Variants in PRKCE observed in about 807,000 individuals in gnomAD.
The protein encoded by PRKCE is protein kinase C epsilon.
A neutral mutation model predicts 85.4 loss-of-function variants in PRKCE; 16 were observed. That is an observed-to-expected ratio of 0.19 (90% confidence interval 0.13 to 0.28). The LOEUF (loss-of-function observed/expected upper bound fraction) is 0.28. Among genes scored for constraint, PRKCE ranks in the 10% least tolerant of loss-of-function variants. The pLI is 1.00. For synonymous variants in PRKCE, 388 were observed against 371.5 expected (o/e 1.04, Z -0.51); for missense variants, 573 against 975.2 (o/e 0.59, Z 5.49).
intron 14 of PRKCE, among the ~76,000 whole-genome samples, chr2:46,181,016 C>T (rs1203647601): frequency 6.6e-6 from 1 of 152,118 alleles, no homozygotes; most frequent in Non-Finnish European, 1.5e-5. Flanking sequence ...GGGCCAGGAG[C>T]CTGACATTTA....
At chr2:45,970,418 T>G (rs528174565) in intron 2 of PRKCE, among the ~76,000 whole-genome samples, 2 of 152,332 alleles carry the variant, frequency 1.3e-5, no homozygotes, top group South Asian at 4.1e-4. Flanking sequence ...CCCTTTGTGC[T>G]GGTCTTGCCA....
At position 45,757,982 on chromosome 2, in the gene PRKCE, G is replaced by C. The variant is rs556204045; in HGVS notation, c.349-85018G>C. ...GATCCAAGTGACTTCAATGACTGGG[G>C]ACAATGTTAAAGGCAGTGAGGTACA... On this transcript the variant is annotated intron_variant, in intron 1 of 14. Transcript: ENST00000306156. 3.3e-5 allele frequency among the ~76,000 whole-genome samples: 5 copies of C among 152,316 alleles called. No individual in the cohort carries two copies. In the South Asian group the frequency reaches 1.0e-3, roughly 32 times the overall value.
chr2:45,690,659 C>T (rs904724406), intron 1 of PRKCE, among the ~76,000 whole-genome samples: 1 of 152,206 alleles, frequency 6.6e-6, no homozygotes, highest in South Asian at 2.1e-4. Context: ...AGATGAACCT[C>T]TTAAAGAGAA....
chr2:46,076,936 T>C (rs1206715841), intron 10 of PRKCE, among the ~76,000 whole-genome samples: 1 of 152,176 alleles, frequency 6.6e-6, no homozygotes, highest in Non-Finnish European at 1.5e-5. Flanking sequence ...GAATCTAAAA[T>C]AGTCGAACTC....
In PRKCE at chr2:46,152,369, A is replaced by G. The variant is rs1676727177; in HGVS notation, c.1920+1140A>G. ...GCTAATTTTTGTATTTTTAGTAGTG[A>G]CAAGATTTCACCATGTTGGCCAGGC... On this transcript the variant is annotated intron_variant, in intron 13 of 14. Coordinates refer to ENST00000306156, the MANE Select transcript of PRKCE (RefSeq NM_005400.3). Among the ~76,000 whole-genome samples the G allele has an allele frequency of 2.6e-5, 4 of 151,858 alleles. 1 individual carries two copies. The East Asian group carries it at 5.8e-4, about 22-fold the overall frequency.
intron 2 of PRKCE, among the ~76,000 whole-genome samples, chr2:45,892,945 C>T (rs1000007912): frequency 6.6e-6 from 1 of 152,166 alleles, no homozygotes; most frequent in Admixed American, 6.5e-5. Context: ...AGCATCTCCA[C>T]GGGGCTCAGG....
chr2:45,941,077 A>AAAAAAAAAAAAG (rs1400927636), intron 2 of PRKCE, among the ~76,000 whole-genome samples: 4 of 150,220 alleles, frequency 2.7e-5, no homozygotes, highest in African/African-American at 9.8e-5. Context: ...AAAAAAAAAA[A>AAAAAAAAAAAAG]AAAAAAAAAA....
At chr2:46,081,993 G>A (rs537649742) in intron 10 of PRKCE, among the ~76,000 whole-genome samples, 9 of 152,254 alleles carry the variant, frequency 5.9e-5, no homozygotes, top group Admixed American at 5.9e-4. Flanking sequence ...TACTCGGGAG[G>A]CTGAGGCAGG....
intron 2 of PRKCE, among the ~76,000 whole-genome samples, chr2:45,927,863 G>C (rs1434029110): frequency 1.3e-5 from 2 of 150,370 alleles, no homozygotes; most frequent in African/African-American, 4.9e-5. Flanking sequence ...TAGTCTTTGA[G>C]ATACCCAAGG....
chr2:45,738,957 G>A (rs1392900556), intron 1 of PRKCE, among the ~76,000 whole-genome samples: 3 of 152,210 alleles, frequency 2.0e-5, no homozygotes, highest in African/African-American at 7.2e-5. Flanking sequence ...TTAAGGGGCA[G>A]TGTTGGTTCA....
intron 2 of PRKCE, 29 bp from the exon 3 acceptor site, chr2:45,976,400 T>G: frequency 1.9e-6 from 3 of 1,593,316 alleles, no homozygotes; most frequent in Non-Finnish European, 2.6e-6. Context: ...CCAGACTCCG[T>G]TTTCTTCCCT....
At chr2:45,969,951 A>G (rs942970110) in intron 2 of PRKCE, among the ~76,000 whole-genome samples, 1 of 152,234 alleles carries the variant, frequency 6.6e-6, no homozygotes, top group South Asian at 2.1e-4. Context: ...CATTGGCCTA[A>G]TAGTAGACAG....
rs751285147 is a variant in PRKCE, at chr2:46,007,624, A to G, written c.1226A>G (p.Asn409Ser). ...AAGCGCCTGGGCCTGGATGAGTTCA[A>G]CTTCATCAAGGTGTTGGGCAAAGGC... ...QAKRLGLDEFNFIKVLGKGSF... is the reference protein window; with the variant it reads ...QAKRLGLDEFSFIKVLGKGSF... The change falls in exon 9 of 15, where the codon AAC becomes AGC. Residue 409 changes from asparagine (N) to serine (S), a missense_variant. Asn to Ser is a conservative substitution (Grantham distance 46). Around this residue, in one of 11 missense-constraint regions of PRKCE, gnomAD observed 117 missense variants for 104.8 expected, o/e 1.12. Transcript: ENST00000306156. 6 of 1,599,686 alleles carry G rather than the reference A, an allele frequency of 3.8e-6. No homozygotes were observed. The highest frequency in any genetic ancestry group is 1.1e-5 in the South Asian group (1 of 91,092).
chr2:45,719,779 G>A (rs1680460024), intron 1 of PRKCE, among the ~76,000 whole-genome samples: 1 of 152,010 alleles, frequency 6.6e-6, no homozygotes, highest in Non-Finnish European at 1.5e-5. Flanking sequence ...ACCCAGACTG[G>A]CCAAGTGCCG....
rs148226624 is a variant in PRKCE, at chr2:46,044,990, G to T, written c.1437+34473G>T. ...ATATGTTCTCATATTTTATTTTACA[G>T]AGCAGTATACATAAAACCATATATG... On this transcript the variant is annotated intron_variant, in intron 10 of 14. Transcript: ENST00000306156. 2.5e-4 allele frequency among the ~76,000 whole-genome samples: 38 copies of T among 152,300 alleles called. 2 individuals carry two copies. The highest frequency in any genetic ancestry group is 9.1e-4 in the African/African-American group (38 of 41,562).
At chr2:45,916,153 C>G (rs1697755025) in intron 2 of PRKCE, among the ~76,000 whole-genome samples, 1 of 150,494 alleles carries the variant, frequency 6.6e-6, no homozygotes, top group African/African-American at 2.4e-5. Flanking sequence ...TCTCTACTTA[C>G]TTTTCCTTTA....
chr2:45,756,264 C>T (rs748952310), intron 1 of PRKCE, among the ~76,000 whole-genome samples: 1 of 152,100 alleles, frequency 6.6e-6, no homozygotes, highest in East Asian at 1.9e-4. Flanking sequence ...CCTCCAAATA[C>T]CAGATGATAG....
Position 46,159,558 on chromosome 2 carries a change from C to T in PRKCE, c.1921-48C>T, listed in dbSNP as rs767168659. ...CTCCATCTGTCCCTTATAGCCTGTG[C>T]TGGCCAGGCCTTTGTCACTAATTCC... is the stretch of plus-strand genomic sequence containing the variant. On this transcript the variant is annotated intron_variant, in intron 13 of 14. Coordinates refer to ENST00000306156, the MANE Select transcript of PRKCE (RefSeq NM_005400.3). The surrounding 1 kb of genome is among the most constrained non-coding windows in gnomAD (Gnocchi z 4.1). 1.3e-5 allele frequency: 20 copies of T among 1,543,380 alleles called. No homozygotes were observed. Among genetic ancestry groups the T allele is most frequent in the Admixed American group, 7.9e-5 (4 of 50,858 alleles).
At chr2:45,737,694 C>T (rs2104609473) in intron 1 of PRKCE, among the ~76,000 whole-genome samples, 1 of 152,200 alleles carries the variant, frequency 6.6e-6, no homozygotes, top group Non-Finnish European at 1.5e-5. Context: ...CAATCACATG[C>T]TCTCTGCATG....
Sources: allele counts gnomAD v4.1 joint callset (sites outside exome capture counted in the v4.1 genomes callset), GRCh38; gene constraint gnomAD v4.1.1; regional missense constraint gnomAD v4.1.1; non-coding constraint Gnocchi (gnomAD v3.1); transcripts MANE v1.5; gene names NCBI Gene and HGNC (gene_info 2026-07-23, HGNC 2026-07-21).